BEST3: variants seen among roughly 807,000 people sequenced by gnomAD.
The protein encoded by BEST3 is bestrophin 3.
A neutral mutation model predicts 47.1 loss-of-function variants in BEST3; 50 were observed. The observed-to-expected ratio is 1.06, with a 90% CI of 0.85 to 1.34. BEST3 has a LOEUF of 1.34. Among genes scored for constraint, BEST3 ranks in the 40% most tolerant of loss-of-function variants. BEST3 has a pLI of 0.00. For synonymous variants in BEST3, 282 were observed against 298.8 expected (o/e 0.94, Z 0.58); for missense variants, 765 against 817.0 (o/e 0.94, Z 0.78).
chr12:69,699,176 A>G, intron 1 of BEST3, 29 bp downstream of exon 1: 1 of 975,794 alleles, frequency 1.0e-6, no homozygotes, highest in Non-Finnish European at 1.2e-6. Context: ...GTCAGAATTA[A>G]AATGCATAGG....
At chr12:69,678,572 T>C (rs916198682) in intron 5 of BEST3, among the ~76,000 whole-genome samples, 167 bp downstream of exon 5, 14 of 152,232 alleles carry the variant, frequency 9.2e-5, no homozygotes, top group African/African-American at 3.4e-4. Flanking sequence ...TTAACCTGTG[T>C]ACCACCTCTG....
Position 69,678,838 on chromosome 12 carries a change from C to T in BEST3, c.537G>A (p.Leu179=). Residue 179 remains leucine, a synonymous_variant, in exon 5 of 10, where the codon CTG becomes CTA. Coordinates refer to ENST00000330891, the MANE Select transcript of BEST3 (RefSeq NM_032735.3). ...ACCAGATGAATGGAACCCAATATTT[C>T]AGATGAGGAGACTTGAGGTGGTTGA... The part of the protein sequence containing the change: ...KLFNHLKSPH[L]KYWVPFIWFG... The T allele has an allele frequency of 6.2e-7, 1 of 1,613,978 alleles. No individual in the cohort carries two copies. Among genetic ancestry groups the T allele is most frequent in the East Asian group, 2.2e-5 (1 of 44,872 alleles).
At chr12:69,677,122 G>A in intron 6 of BEST3, 54 bp from the exon 7 acceptor site, 1 of 1,613,720 alleles carries the variant, frequency 6.2e-7, no homozygotes, top group Non-Finnish European at 8.5e-7. Flanking sequence ...CCGCAGCGAA[G>A]CTACAGTGCC....
intron 2 of BEST3, 26 bp from the exon 3 acceptor site, chr12:69,694,490 C>A (rs1024351021): frequency 1.8e-5 from 24 of 1,338,340 alleles, no homozygotes; most frequent in Middle Eastern, 1.8e-4. Context: ...AATGCACAGC[C>A]CTTTATGATA....
At chr12:69,675,227 C>A (rs918033845) in intron 7 of BEST3, among the ~76,000 whole-genome samples, 4 of 152,180 alleles carry the variant, frequency 2.6e-5, no homozygotes, top group Non-Finnish European at 4.4e-5. Context: ...TCAAGTGACC[C>A]TTCCACCTCA....
intron 1 of BEST3, among the ~76,000 whole-genome samples, chr12:69,698,179 A>T (rs1272241056): frequency 6.6e-6 from 1 of 152,212 alleles, no homozygotes; most frequent in Non-Finnish European, 1.5e-5. Flanking sequence ...TTGCATGTAG[A>T]TGTCTCTCTA....
At chr12:69,655,859 C>T in intron 9 of BEST3, 46 bp from the exon 10 acceptor site, 1 of 1,537,834 alleles carries the variant, frequency 6.5e-7, no homozygotes, top group Non-Finnish European at 8.7e-7. Context: ...CTTCGGGGGC[C>T]TAGCTTTGGG....
At chr12:69,676,418 G>GT (rs1884923346) in intron 7 of BEST3, among the ~76,000 whole-genome samples, 1 of 105,300 alleles carries the variant, frequency 9.5e-6, no homozygotes, top group Admixed American at 1.1e-4. Flanking sequence ...CTCAGGGAAA[G>GT]TAAAAAAAAA....
At chr12:69,697,404 G>C (rs17225566) in intron 2 of BEST3, among the ~76,000 whole-genome samples, 17,564 of 152,104 alleles carry the variant, frequency 0.12, 1,315 homozygotes, top group Non-Finnish European at 0.18. Context: ...CAACAGTCTC[G>C]AGGCACAACT....
chr12:69,646,750 T>C (rs1281331215), intron 9 of BEST3, among the ~76,000 whole-genome samples: 1 of 152,228 alleles, frequency 6.6e-6, no homozygotes, highest in Non-Finnish European at 1.5e-5. Flanking sequence ...TCTTCCTCCA[T>C]TCTTTAGTTA....
At chr12:69,659,409 A>C (rs1353033557) in intron 9 of BEST3, among the ~76,000 whole-genome samples, 1 of 152,258 alleles carries the variant, frequency 6.6e-6, no homozygotes, top group Non-Finnish European at 1.5e-5. Context: ...GCTGGAGTGC[A>C]GTGGCACAAT....
downstream of BEST3, among the ~76,000 whole-genome samples, chr12:69,651,544 G>T (rs578070733): frequency 9.2e-5 from 14 of 152,114 alleles, no homozygotes; most frequent in African/African-American, 3.4e-4. Context: ...AGGCCAAGAT[G>T]GGTGGATCAC....
At chr12:69,686,696 G>A (rs2136019715) in intron 4 of BEST3, among the ~76,000 whole-genome samples, 1 of 147,234 alleles carries the variant, frequency 6.8e-6, no homozygotes, top group South Asian at 2.2e-4. Flanking sequence ...CACTTGAACT[G>A]GGGAGGCAGA....
chr12:69,685,270 T>C (rs1279482588), intron 4 of BEST3, among the ~76,000 whole-genome samples: 8 of 152,208 alleles, frequency 5.3e-5, no homozygotes. Context: ...TCCCATCTGG[T>C]AATTCACTGC....
chr12:69,659,607 C>A (rs1883744482), intron 9 of BEST3, among the ~76,000 whole-genome samples: 1 of 152,184 alleles, frequency 6.6e-6, no homozygotes, highest in African/African-American at 2.4e-5. Context: ...CCTGTCTTGG[C>A]TTCCCAAAGT....
chr12:69,655,899 T>G lies in BEST3; in HGVS notation c.1101-86A>C. Reference sequence around the variant, plus strand: ...GAGTCTCAAAGTTAAGAGATGACTTTGGTATTTTTGCCTTATAGATTTTTT... The same window carrying G: ...GAGTCTCAAAGTTAAGAGATGACTTGGGTATTTTTGCCTTATAGATTTTTT... On this transcript the variant is annotated intron_variant, in intron 9 of 9. Transcript: ENST00000330891. 2.0e-6 allele frequency: 3 copies of G among 1,494,724 alleles called. No homozygotes were observed. In the South Asian group the frequency reaches 4.1e-5, roughly 21 times the overall value. The allele number at this position is 1,494,724 out of a possible 1,614,324, so 92.6% of individuals were successfully genotyped here. A position where few individuals can be genotyped will look rare whatever the true frequency, so the allele number is the denominator to read the frequency against.
chr12:69,678,726 A>G lies in BEST3; in HGVS notation c.636+13T>C. 6.2e-7 allele frequency: 1 copy of G among 1,612,720 alleles called. No homozygotes were observed. The highest frequency in any genetic ancestry group is 1.1e-5 in the South Asian group (1 of 90,898). The stretch of plus-strand genomic sequence containing the variant: ...AATTAGCGTATTTTTCTTATGATTT[A>G]TGATATACTTACAGTCATCAATGAT... On this transcript the variant is annotated intron_variant, in intron 5 of 9. Coordinates refer to ENST00000330891, the MANE Select transcript of BEST3 (RefSeq NM_032735.3).
Position 69,645,896 on chromosome 12 carries a change from A to G in BEST3, c.1101-2109T>C, listed in dbSNP as rs182465585. ...CCGTCTCTTTCTTCCTCCTCCAGGT[A>G]TAGAATCTCCAGATATGTTACTGGT... On this transcript the variant is annotated intron_variant, in intron 9 of 9. Transcript: ENST00000331471. Among the ~76,000 whole-genome samples, 636 of 152,210 alleles carry G rather than the reference A, an allele frequency of 4.2e-3. 4 individuals are homozygous for G. Among genetic ancestry groups the G allele is most frequent in the African/African-American group, 0.015 (618 of 41,534 alleles).
chr12:69,652,803 C>T (rs1883251850), downstream of BEST3, among the ~76,000 whole-genome samples: 1 of 152,164 alleles, frequency 6.6e-6, no homozygotes, highest in Non-Finnish European at 1.5e-5. Context: ...AATAGACAGA[C>T]TGAAATTGAA....
Sources: gnomAD v4.1 joint callset for allele counts (sites outside exome capture counted in the v4.1 genomes callset) on GRCh38, gnomAD v4.1.1 for gene constraint, MANE v1.5 for transcripts, NCBI Gene and HGNC (gene_info 2026-07-23, HGNC 2026-07-21) for gene names.